Variants in MAP4K4 observed in about 807,000 individuals in gnomAD.
MAP4K4 encodes mitogen-activated protein kinase kinase kinase kinase 4, also known as HPK/GCK-like kinase HGK.
MAP4K4 carries 38 observed loss-of-function variants against 189.6 expected under a neutral mutation model. That is an observed-to-expected ratio of 0.20 (90% CI 0.15 to 0.26). MAP4K4 has a LOEUF of 0.26. Ranked by LOEUF, MAP4K4 falls within the 10% of genes least tolerant of loss-of-function variation. MAP4K4 has a pLI of 1.00. For missense variants in MAP4K4, 1,054 were observed against 1,726.9 expected (o/e 0.61, Z 6.91); for synonymous variants, 610 against 624.3 (o/e 0.98, Z 0.34).
chr2:101,771,251 A>T (rs938518084), intron 2 of MAP4K4, among the ~76,000 whole-genome samples: 1 of 152,306 alleles, frequency 6.6e-6, no homozygotes, highest in South Asian at 2.1e-4. Flanking sequence ...CTGATGCTGA[A>T]TTGGGTGAGC....
At chr2:101,742,168 G>A (rs1316934009) in intron 2 of MAP4K4, among the ~76,000 whole-genome samples, 2 of 152,172 alleles carry the variant, frequency 1.3e-5, no homozygotes, top group Non-Finnish European at 2.9e-5. Flanking sequence ...GCACTCTTGG[G>A]TTGGGCTCAG....
Position 101,797,889 on chromosome 2 carries a change from G to GTTTTTTTTTTTTTTTTTTTTTT in MAP4K4, c.180+7134_180+7135insTTTTTTTTTTTTTTTTTTTTTT. 8.8e-4 allele frequency among the ~76,000 whole-genome samples: 46 copies of GTTTTTTTTTTTTTTTTTTTTTT among 52,320 alleles called. 3 individuals carry two copies. Among genetic ancestry groups the GTTTTTTTTTTTTTTTTTTTTTT allele is most frequent in the East Asian group, 3.0e-3 (4 of 1,330 alleles). 34.3% of individuals were successfully genotyped at this position (52,320 alleles called of 152,430 possible). A position where few individuals can be genotyped will look rare whatever the true frequency, so the allele number is the denominator to read the frequency against. ...TGAAGCTTTTTAAAACATTCTTTTA[G>GTTTTTTTTTTTTTTTTTTTTTT]TTTTTTTTTTTTTTTTTTTTTGGAG... On this transcript the variant is annotated intron_variant, in intron 3 of 32. Coordinates refer to ENST00000324219, the Ensembl canonical transcript of MAP4K4.
chr2:101,876,153 C>T (rs894292112), intron 26 of MAP4K4, among the ~76,000 whole-genome samples: 3 of 152,014 alleles, frequency 2.0e-5, no homozygotes, highest in Non-Finnish European at 2.9e-5. Flanking sequence ...AGCCAAGTCG[C>T]GAGGCTAGTT....
intron 3 of MAP4K4, among the ~76,000 whole-genome samples, chr2:101,806,374 C>CTTTT (rs35242042): frequency 1.5e-5 from 2 of 129,540 alleles, no homozygotes; most frequent in African/African-American, 3.0e-5. Context: ...AGCTGTTTCA[C>CTTTT]TTTTTTTTTT....
intron 13 of MAP4K4, among the ~76,000 whole-genome samples, chr2:101,857,110 T>G (rs866832477): frequency 2.6e-5 from 4 of 152,222 alleles, no homozygotes; most frequent in Non-Finnish European, 4.4e-5. Context: ...TTCAAGCTTT[T>G]AAGAATTAAA....
intron 12 of MAP4K4, among the ~76,000 whole-genome samples, chr2:101,854,981 G>A (rs534908456): frequency 1.3e-5 from 2 of 152,288 alleles, no homozygotes; most frequent in East Asian, 1.9e-4. Flanking sequence ...TTAGCAACAC[G>A]TGACTAGTGA....
chr2:101,759,420 A>G (rs1480663589), intron 2 of MAP4K4, among the ~76,000 whole-genome samples: 1 of 150,400 alleles, frequency 6.6e-6, no homozygotes, highest in Non-Finnish European at 1.5e-5. Context: ...CATCAGTGAA[A>G]TGAGCTTTTT....
intron 2 of MAP4K4, among the ~76,000 whole-genome samples, chr2:101,726,678 G>T (rs1242488919): frequency 6.6e-6 from 1 of 152,144 alleles, no homozygotes; most frequent in Non-Finnish European, 1.5e-5. Flanking sequence ...AGCCTTAATG[G>T]ACAGGAGTAT....
intron 22 of MAP4K4, chr2:101,870,082 A>G (rs1287406134): frequency 4.8e-6 from 3 of 623,688 alleles, no homozygotes; most frequent in Admixed American, 3.1e-5. Flanking sequence ...TTAATTAGCC[A>G]TAATTATTCA....
intron 2 of MAP4K4, among the ~76,000 whole-genome samples, chr2:101,711,625 T>G (rs559777158): frequency 6.6e-6 from 1 of 151,378 alleles, no homozygotes; most frequent in African/African-American, 2.4e-5. Flanking sequence ...GATGTTGTGG[T>G]TTTTTTTTGA....
chr2:101,800,839 C>T (rs1402286621), intron 3 of MAP4K4, among the ~76,000 whole-genome samples: 1 of 152,138 alleles, frequency 6.6e-6, no homozygotes, highest in African/African-American at 2.4e-5. Flanking sequence ...TTCTTGATCT[C>T]TTGGTAAATT....
intron 1 of MAP4K4, among the ~76,000 whole-genome samples, 158 bp downstream of exon 1, chr2:101,698,295 C>G (rs1218675325): frequency 1.3e-5 from 2 of 150,110 alleles, no homozygotes; most frequent in Non-Finnish European, 3.0e-5. Flanking sequence ...GCGGGGCGGG[C>G]GCTACCCTCT....
At position 101,809,897 on chromosome 2, in the gene MAP4K4, A is replaced by T. The variant is rs185806003; in HGVS notation, c.181-14031A>T. On this transcript the variant is annotated intron_variant, in intron 3 of 32. Transcript: ENST00000324219. ...ATGTAGTTCTCTCTCCTGCAACTGT[A>T]TGTAAATCATTTAGTGCATAATGGG... 3.3e-5 allele frequency among the ~76,000 whole-genome samples: 5 copies of T among 152,372 alleles called. No homozygotes were observed. The East Asian group carries it at 9.7e-4, about 29-fold the overall frequency.
At chr2:101,827,524 A>G (rs1294925859) in intron 5 of MAP4K4, among the ~76,000 whole-genome samples, 1 of 152,142 alleles carries the variant, frequency 6.6e-6, no homozygotes, top group African/African-American at 2.4e-5. Flanking sequence ...GGGTTAAACA[A>G]TTTCTGTGGT....
intron 4 of MAP4K4, among the ~76,000 whole-genome samples, 195 bp downstream of exon 4, chr2:101,824,248 G>A (rs1388179783): frequency 1.3e-5 from 2 of 152,062 alleles, no homozygotes; most frequent in Non-Finnish European, 1.5e-5. Context: ...TTTTGATGTC[G>A]ATTTCACATT....
At chr2:101,777,048 A>G (rs1352054577) in intron 2 of MAP4K4, among the ~76,000 whole-genome samples, 3 of 152,108 alleles carry the variant, frequency 2.0e-5, no homozygotes, top group South Asian at 2.1e-4. Flanking sequence ...GACTTTAACA[A>G]TGAGTAGAAA....
intron 2 of MAP4K4, among the ~76,000 whole-genome samples, chr2:101,720,325 C>T (rs1314299940): frequency 6.6e-6 from 1 of 151,724 alleles, no homozygotes; most frequent in Admixed American, 6.6e-5. Context: ...AGGCGCCCGC[C>T]GCCACACCTG....
At chr2:101,870,080 C>CCATA in intron 22 of MAP4K4, 1 of 620,490 alleles carries the variant, frequency 1.6e-6, no homozygotes, top group Non-Finnish European at 2.8e-6. Flanking sequence ...CTTTAATTAG[C>CCATA]CATAATTATT....
At chr2:101,806,934 A>G (rs1049476672) in intron 3 of MAP4K4, among the ~76,000 whole-genome samples, 2 of 152,126 alleles carry the variant, frequency 1.3e-5, no homozygotes, top group African/African-American at 4.8e-5. Flanking sequence ...AAAGCAGCAC[A>G]TCTCCCTGGG....
Sources: allele counts gnomAD v4.1 joint callset (sites outside exome capture counted in the v4.1 genomes callset), GRCh38; gene constraint gnomAD v4.1.1; transcripts MANE v1.5; gene names NCBI Gene and HGNC (gene_info 2026-07-23, HGNC 2026-07-21).